PTPRD: variants seen among roughly 807,000 people sequenced by gnomAD.
The protein encoded by PTPRD is protein tyrosine phosphatase receptor type D.
A neutral mutation model predicts 214.5 loss-of-function variants in PTPRD; 34 were observed. The ratio of observed to expected loss-of-function variants is 0.16; its 90% CI spans 0.12 to 0.21. The LOEUF (loss-of-function observed/expected upper bound fraction) is 0.21. Ranked by LOEUF, PTPRD falls within the 10% of genes least tolerant of loss-of-function variation. The probability of loss-of-function intolerance (pLI) is 1.00; values close to 1 mark genes in which losing one functional copy is unlikely to be tolerated. For missense variants in PTPRD, 2,545 were observed against 2,398.7 expected (o/e 1.06, Z -1.27); for synonymous variants, 1,128 against 845.7 (o/e 1.33, Z -5.79).
intron 8 of PTPRD, among the ~76,000 whole-genome samples, chr9:9,485,070 C>A (rs1489811532): frequency 6.6e-6 from 1 of 152,242 alleles, no homozygotes; most frequent in Non-Finnish European, 1.5e-5. Context: ...AAGCCATTTG[C>A]CTCTTGCAGT....
chr9:10,111,229 CTTTTTTTT>C (rs34045121), intron 3 of PTPRD, among the ~76,000 whole-genome samples: 4 of 72,148 alleles, frequency 5.5e-5, no homozygotes, highest in African/African-American at 1.7e-4. Flanking sequence ...AGTTTAGTTT[CTTTTTTTT>C]TTTTTTTTTT....
chr9:10,089,131 T>C (rs1220600576), intron 3 of PTPRD, among the ~76,000 whole-genome samples: 1 of 151,016 alleles, frequency 6.6e-6, no homozygotes, highest in African/African-American at 2.4e-5. Context: ...TGCTTAAGCC[T>C]AGGAGTTTGA....
intron 9 of PTPRD, among the ~76,000 whole-genome samples, chr9:9,385,120 T>G (rs1383674399): frequency 1.3e-5 from 2 of 152,092 alleles, no homozygotes; most frequent in African/African-American, 2.4e-5. Context: ...GATGTAGACA[T>G]AATATCAACA....
At chr9:10,449,503 G>A (rs1009809972) in intron 2 of PTPRD, among the ~76,000 whole-genome samples, 2 of 144,536 alleles carry the variant, frequency 1.4e-5, no homozygotes, top group East Asian at 2.0e-4. Context: ...GCTGCCCATC[G>A]TCTGGGATGT....
At chr9:8,618,040 A>G (rs921962151) in intron 14 of PTPRD, among the ~76,000 whole-genome samples, 2 of 152,124 alleles carry the variant, frequency 1.3e-5, no homozygotes, top group African/African-American at 4.8e-5. Flanking sequence ...CAGAGTAGTG[A>G]AGAATTGCCC....
At chr9:10,373,916 A>G (rs2097678810) in intron 2 of PTPRD, among the ~76,000 whole-genome samples, 1 of 152,032 alleles carries the variant, frequency 6.6e-6, no homozygotes, top group South Asian at 2.1e-4. Context: ...TTACATTATC[A>G]TCATGTTCCT....
intron 11 of PTPRD, among the ~76,000 whole-genome samples, chr9:8,977,143 T>C (rs1185894128): frequency 6.6e-6 from 1 of 152,134 alleles, no homozygotes; most frequent in African/African-American, 2.4e-5. Context: ...CTGATATCTA[T>C]TCTCTTTCCT....
At chr9:8,925,858 A>ATTTTTT (rs33971552) in intron 11 of PTPRD, among the ~76,000 whole-genome samples, 1,469 of 120,080 alleles carry the variant, frequency 0.012, 26 homozygotes, top group Non-Finnish European at 0.018. Flanking sequence ...CTATTGCAAT[A>ATTTTTT]TTTTTTTTTT....
intron 44 of PTPRD, among the ~76,000 whole-genome samples, chr9:8,321,154 G>A (rs1826984552): frequency 6.6e-6 from 1 of 151,976 alleles, no homozygotes; most frequent in Non-Finnish European, 1.5e-5. Context: ...GACCTTGAAG[G>A]TCCCTTTTAA....
At chr9:8,973,687 G>T (rs1323527932) in intron 11 of PTPRD, among the ~76,000 whole-genome samples, 1 of 152,078 alleles carries the variant, frequency 6.6e-6, no homozygotes, top group Non-Finnish European at 1.5e-5. Context: ...CACCAACAGT[G>T]TATAAGCATT....
chr9:9,810,601 G>A (rs1196229016), intron 5 of PTPRD, among the ~76,000 whole-genome samples: 1 of 149,260 alleles, frequency 6.7e-6, no homozygotes, highest in African/African-American at 2.5e-5. Context: ...GAAACCTATT[G>A]CTCAGAAGAA....
intron 3 of PTPRD, among the ~76,000 whole-genome samples, chr9:10,073,211 A>C (rs1316452708): frequency 6.6e-6 from 1 of 152,056 alleles, no homozygotes; most frequent in Admixed American, 6.6e-5. Flanking sequence ...TGGGATATAT[A>C]TATAGTTGTG....
intron 11 of PTPRD, among the ~76,000 whole-genome samples, chr9:8,884,663 A>G (rs1233360456): frequency 6.6e-6 from 1 of 152,256 alleles, no homozygotes; most frequent in Non-Finnish European, 1.5e-5. Context: ...AAAGATAGTA[A>G]GCAATGTTTC....
chr9:10,567,259 G>A (rs965627913), intron 2 of PTPRD, among the ~76,000 whole-genome samples: 1 of 151,954 alleles, frequency 6.6e-6, no homozygotes, highest in East Asian at 1.9e-4. Context: ...TTAATTTACT[G>A]TGGTCACAAA....
chr9:9,534,594 G>T (rs900953683), intron 8 of PTPRD, among the ~76,000 whole-genome samples: 53 of 152,008 alleles, frequency 3.5e-4, no homozygotes, highest in African/African-American at 1.2e-3. Flanking sequence ...AAATAACATT[G>T]TAAGACACCA....
intron 10 of PTPRD, among the ~76,000 whole-genome samples, chr9:9,054,440 T>C (rs2099692506): frequency 6.6e-6 from 1 of 152,146 alleles, no homozygotes; most frequent in African/African-American, 2.4e-5. Flanking sequence ...AAATAGTAGA[T>C]ATAAAATTAT....
chr9:9,979,120 G>C (rs1471746973), intron 4 of PTPRD, among the ~76,000 whole-genome samples: 1 of 152,034 alleles, frequency 6.6e-6, no homozygotes, highest in Non-Finnish European at 1.5e-5. Flanking sequence ...CTTGTACTAT[G>C]AGAAATGTCA....
chr9:8,715,746 G>C (rs2098425436), intron 12 of PTPRD, among the ~76,000 whole-genome samples: 1 of 152,206 alleles, frequency 6.6e-6, no homozygotes, highest in African/African-American at 2.4e-5. Context: ...CAATAATCAA[G>C]CAGCAATCAT....
At chr9:9,338,765 C>T (rs141520707) in intron 9 of PTPRD, among the ~76,000 whole-genome samples, 1,799 of 152,108 alleles carry the variant, frequency 0.012, 39 homozygotes, top group African/African-American at 0.041. Context: ...CATAGGTATA[C>T]ACATGCCATG....
Sources: allele counts gnomAD v4.1 joint callset (sites outside exome capture counted in the v4.1 genomes callset), GRCh38; gene constraint gnomAD v4.1.1; transcripts MANE v1.5; gene names NCBI Gene and HGNC (gene_info 2026-07-23, HGNC 2026-07-21).